Variants in ADAMTS13 observed in about 807,000 individuals in gnomAD.
ADAMTS13 encodes ADAM metallopeptidase with thrombospondin type 1 motif 13.
Under a neutral mutation model 155.1 loss-of-function variants are expected in ADAMTS13, and 110 were observed. The observed-to-expected ratio is 0.71, with a 90% confidence interval of 0.61 to 0.83. The LOEUF is 0.83. Ranked by LOEUF, ADAMTS13 falls within the 40% of genes least tolerant of loss-of-function variation. The pLI, the probability that ADAMTS13 is intolerant of heterozygous loss-of-function variation, is 0.00. For synonymous variants in ADAMTS13, 758 were observed against 756.4 expected (o/e 1.00, Z -0.03); for missense variants, 1,707 against 1,891.7 (o/e 0.90, Z 1.81).
intron 21 of ADAMTS13, among the ~76,000 whole-genome samples, chr9:133,448,358 G>C (rs79668261): frequency 6.6e-6 from 1 of 152,198 alleles, no homozygotes; most frequent in Non-Finnish European, 1.5e-5. Context: ...CCAGGCACTT[G>C]TTATCTTCCC....
upstream of ADAMTS13, chr9:133,417,648 A>G: frequency 2.5e-6 from 4 of 1,613,888 alleles, no homozygotes; most frequent in Non-Finnish European, 2.5e-6. Flanking sequence ...GTTTTGAGAA[A>G]AGTCTTCTGG....
At chr9:133,452,574 A>G (rs1842498032) in intron 23 of ADAMTS13, among the ~76,000 whole-genome samples, 1 of 152,112 alleles carries the variant, frequency 6.6e-6, no homozygotes, top group South Asian at 2.1e-4. Context: ...GGTTTTTCAC[A>G]CTGCACGCTG....
chr9:133,431,470 G>A (rs1311257475), intron 8 of ADAMTS13, among the ~76,000 whole-genome samples: 1 of 151,770 alleles, frequency 6.6e-6, no homozygotes, highest in African/African-American at 2.4e-5. Context: ...GGGACTACAG[G>A]CATGTGCCAC....
intron 25 of ADAMTS13, chr9:133,455,828 C>A: frequency 2.6e-6 from 2 of 771,236 alleles, no homozygotes; most frequent in Non-Finnish European, 4.2e-6. Context: ...AGCCCCCTAG[C>A]CTCTGGGCTG....
intron 6 of ADAMTS13, among the ~76,000 whole-genome samples, chr9:133,428,021 G>T (rs1479845855): frequency 6.6e-6 from 1 of 152,174 alleles, no homozygotes; most frequent in Non-Finnish European, 1.5e-5. Context: ...CTCTGGTCCA[G>T]TGTCCAAGCG....
At chr9:133,435,720 G>T (rs1841149185) in intron 11 of ADAMTS13, among the ~76,000 whole-genome samples, 1 of 151,336 alleles carries the variant, frequency 6.6e-6, no homozygotes, top group South Asian at 2.1e-4. Context: ...TTTTAGTAGA[G>T]GCGGGGTTTC....
upstream of ADAMTS13, among the ~76,000 whole-genome samples, chr9:133,417,462 C>A (rs919490840): frequency 2.0e-5 from 3 of 152,236 alleles, no homozygotes; most frequent in African/African-American, 7.2e-5. Context: ...AGTTCGAGAC[C>A]TCCCTCAACA....
rs1840212160 is a variant in ADAMTS13 at position 133,425,390 on chromosome 9, C to CCG, written c.331-139_331-138insCG. On this transcript the variant is annotated intron_variant, in intron 3 of 28. Coordinates refer to ENST00000355699, the MANE Select transcript of ADAMTS13 (RefSeq NM_139027.6). The surrounding 1 kb of genome is among the most constrained non-coding windows in gnomAD (Gnocchi z 4.6). ...TGTGCAGCACATTTTAGGAGCCCCCCGCCCCGCCCGGTTCCCACACATGCT... is the reference window on the plus strand; with the variant it reads ...TGTGCAGCACATTTTAGGAGCCCCCCCGGCCCCGCCCGGTTCCCACACATGCT... 1 of 690,562 alleles carries CCG rather than the reference C, an allele frequency of 1.4e-6. No homozygotes were observed. 42.8% of individuals were successfully genotyped at this position (690,562 alleles called of 1,614,324 possible). A position where few individuals can be genotyped will look rare whatever the true frequency, so the allele number is the denominator to read the frequency against.
upstream of ADAMTS13, chr9:133,417,898 G>C: frequency 6.5e-7 from 1 of 1,534,058 alleles, no homozygotes; most frequent in Middle Eastern, 2.3e-4. Context: ...CGGCCTCCCC[G>C]GGCCCGGCGC....
intron 11 of ADAMTS13, among the ~76,000 whole-genome samples, chr9:133,436,146 C>T (rs587725022): frequency 2.6e-5 from 4 of 151,728 alleles, no homozygotes; most frequent in South Asian, 2.1e-4. Context: ...TTGGCCATCT[C>T]GGTGGTATGA....
chr9:133,434,855 G>C (rs920294585), intron 11 of ADAMTS13, among the ~76,000 whole-genome samples: 2 of 152,124 alleles, frequency 1.3e-5, no homozygotes, highest in Admixed American at 6.5e-5. Flanking sequence ...ACCTGTTCTA[G>C]ACATGCCACG....
Position 133,424,534 on chromosome 9 carries a change from G to A in ADAMTS13, c.330+56G>A. 6.4e-7 allele frequency: 1 copy of A among 1,574,534 alleles called. No individual in the cohort carries two copies. Among genetic ancestry groups the A allele is most frequent in the Non-Finnish European group, 8.6e-7 (1 of 1,160,280 alleles). ...CCCACGGCCAGGGCTGGTGACCAAT[G>A]TCTGTGGGCTGGTGTATCTGGTAGT... is the stretch of plus-strand genomic sequence containing the variant. On this transcript the variant is annotated intron_variant, in intron 3 of 28. Coordinates refer to ENST00000355699, the MANE Select transcript of ADAMTS13 (RefSeq NM_139027.6). The surrounding 1 kb of genome is among the most constrained non-coding windows in gnomAD (Gnocchi z 4.3).
Position 133,437,862 on chromosome 9 carries a change from G to C in ADAMTS13, c.1549G>C (p.Gly517Arg). ...TATGCCAAGTGGCCCCCGGGAGGACGGGACCCTGAGCCTGTGTGTGTCGGG... is the reference window on the plus strand; with the variant it reads ...TATGCCAAGTGGCCCCCGGGAGGACCGGACCCTGAGCCTGTGTGTGTCGGG... ...RCMPSGPRED[G>R]TLSLCVSGSC... Residue 517 changes from glycine (G) to arginine (R), a missense_variant, in exon 13 of 29, where the codon GGG becomes CGG. Physicochemically the swap from Gly to Arg is moderately radical, Grantham distance 125. Around this residue, in one of 3 missense-constraint regions of ADAMTS13, gnomAD observed 733 missense variants for 749.6 expected, o/e 0.98. Transcript: ENST00000355699. The C allele has an allele frequency of 6.2e-7, 1 of 1,613,868 alleles. No individual in the cohort carries two copies. The highest frequency in any genetic ancestry group is 1.1e-5 in the South Asian group (1 of 91,082).
chr9:133,434,452 C>A (rs951463819), intron 11 of ADAMTS13, among the ~76,000 whole-genome samples: 3 of 152,076 alleles, frequency 2.0e-5, no homozygotes, highest in Non-Finnish European at 4.4e-5. Flanking sequence ...ACTACAGGTG[C>A]CCGCCACCAC....
chr9:133,424,493 C>G lies in ADAMTS13; in HGVS notation c.330+15C>G. The G allele has an allele frequency of 6.2e-7, 1 of 1,608,508 alleles. No homozygotes were observed. The highest frequency in any genetic ancestry group is 8.5e-7 in the Non-Finnish European group (1 of 1,177,584). On this transcript the variant is annotated intron_variant, in intron 3 of 28. Coordinates refer to ENST00000355699, the MANE Select transcript of ADAMTS13 (RefSeq NM_139027.6). The surrounding 1 kb of genome is among the most constrained non-coding windows in gnomAD (Gnocchi z 4.3). ...ACCTCAACATCGTGAGTGCCCCACGCTGGACTGTGCAGGTCCCCACGGCCA... is the reference window on the plus strand; with the variant it reads ...ACCTCAACATCGTGAGTGCCCCACGGTGGACTGTGCAGGTCCCCACGGCCA...
At chr9:133,431,110 A>G (rs1840732973) in intron 8 of ADAMTS13, among the ~76,000 whole-genome samples, 1 of 152,002 alleles carries the variant, frequency 6.6e-6, no homozygotes, top group South Asian at 2.1e-4. Flanking sequence ...GACTACAGGC[A>G]CATGCCACAA....
intron 1 of ADAMTS13, 128 bp from the exon 2 acceptor site, chr9:133,422,957 TAAGACATGGGGTCTTG>T: frequency 1.0e-5 from 4 of 390,130 alleles, no homozygotes; most frequent in South Asian, 3.1e-5. Context: ...TTTTTTTTTT[TAAGACATGGGGTCTTG>T]TTATGTTGCC....
chr9:133,422,739 G>A (rs763407242), intron 1 of ADAMTS13, among the ~76,000 whole-genome samples, 191 bp downstream of exon 1: 2 of 152,012 alleles, frequency 1.3e-5, no homozygotes, highest in Admixed American at 6.6e-5. Flanking sequence ...GTCTCAGTAC[G>A]ACCTGCTCAT....
upstream of ADAMTS13, among the ~76,000 whole-genome samples, chr9:133,421,486 T>C (rs1839953760): frequency 6.6e-6 from 1 of 152,194 alleles, no homozygotes; most frequent in African/African-American, 2.4e-5. Flanking sequence ...ATACAACATG[T>C]GTCTGTCTAG....
Sources: gnomAD v4.1 joint callset for allele counts (sites outside exome capture counted in the v4.1 genomes callset) on GRCh38, gnomAD v4.1.1 for gene constraint, gnomAD v4.1.1 regional missense constraint, Gnocchi (gnomAD v3.1) non-coding constraint, MANE v1.5 for transcripts, NCBI Gene and HGNC (gene_info 2026-07-23, HGNC 2026-07-21) for gene names.